The following PAM variants were observed in gnomAD, a reference collection of about 807,000 sequenced individuals.
The protein encoded by PAM is peptidylglycine alpha-amidating monooxygenase.
In PAM, 72 loss-of-function variants were observed where a neutral mutation model predicts 122.1. The observed-to-expected ratio is 0.59, with a 90% CI of 0.49 to 0.72. The LOEUF (loss-of-function observed/expected upper bound fraction) is 0.72. PAM is among the 30% of genes least tolerant of loss of function. The probability of loss-of-function intolerance (pLI) is 0.00; values close to 1 mark genes in which losing one functional copy is unlikely to be tolerated. For synonymous variants in PAM, 389 were observed against 404.4 expected, an observed-to-expected ratio of 0.96 and a Z score of 0.46; for missense variants, 1,106 against 1,183.7, an observed-to-expected ratio of 0.93 and a Z score of 0.96.
At chr5:103,025,061 G>A (rs1395787162) in intron 23 of PAM, 70 bp from the exon 24 acceptor site, 1 of 1,022,698 alleles carries the variant, frequency 9.8e-7, no homozygotes, top group Non-Finnish European at 1.5e-6. Flanking sequence ...ATTTGACTGG[G>A]TAGGGGTGGG....
intron 21 of PAM, among the ~76,000 whole-genome samples, chr5:103,014,980 C>T (rs1562251949): frequency 2.6e-5 from 4 of 152,078 alleles, no homozygotes. Context: ...GATCCCCATC[C>T]TTCCATACCA....
At chr5:102,970,310 G>A (rs1242053645) in intron 14 of PAM, among the ~76,000 whole-genome samples, 1 of 152,162 alleles carries the variant, frequency 6.6e-6, no homozygotes, top group Non-Finnish European at 1.5e-5. Context: ...AGGTGCACTA[G>A]CCATTTACAA....
chr5:102,864,313 T>C (rs1784956989), intron 1 of PAM, among the ~76,000 whole-genome samples: 1 of 152,034 alleles, frequency 6.6e-6, no homozygotes, highest in Non-Finnish European at 1.5e-5. Flanking sequence ...GAAGGAGTTC[T>C]TTCCTTTACC....
rs1000132033 is a variant in PAM at position 102,786,471 on chromosome 5, C to T, written c.-374+31123C>T. 3.3e-5 allele frequency among the ~76,000 whole-genome samples: 5 copies of T among 152,160 alleles called. No homozygotes were observed. In the East Asian group the frequency reaches 5.8e-4, roughly 18 times the overall value. On this transcript the variant is annotated intron_variant, in intron 1 of 25. Coordinates refer to ENST00000438793, the MANE Select transcript of PAM (RefSeq NM_001177306.2). ...CTCTACTTAGTCTTATTTTCTAAATCGTTGCTATTAACAGTTTCTGAGTTT... is the reference window on the plus strand; with the variant it reads ...CTCTACTTAGTCTTATTTTCTAAATTGTTGCTATTAACAGTTTCTGAGTTT...
chr5:102,959,870 T>A lies in PAM; in HGVS notation c.906-5T>A. On this transcript the variant is annotated splice_region_variant and splice_polypyrimidine_tract_variant and intron_variant, in intron 12 of 25. Transcript: ENST00000438793. ...TGATTTGTTATATCTTTTTTTTGCC[T>A]GCAGTGGCACGTCTAGTGATGAAAT... 1 of 1,601,124 alleles carries A rather than the reference T, an allele frequency of 6.2e-7. No individual in the cohort carries two copies. The highest frequency in any genetic ancestry group is 8.5e-7 in the Non-Finnish European group (1 of 1,169,814).
chr5:102,763,514 C>T (rs1266534499), intron 1 of PAM, among the ~76,000 whole-genome samples: 1 of 152,072 alleles, frequency 6.6e-6, no homozygotes, highest in Non-Finnish European at 1.5e-5. Flanking sequence ...ACAACAACAA[C>T]AAATAATTAT....
In PAM at chr5:102,974,357, G is replaced by C; in HGVS notation, c.1404G>C (p.Leu468Phe). Residue 468 changes from leucine to phenylalanine, a missense_variant, in exon 15 of 26, where the codon TTG becomes TTC. Leu to Phe is a conservative substitution (Grantham distance 22). Around this residue, in one of 3 missense-constraint regions of PAM, gnomAD observed 670 missense variants for 690.3 expected, o/e 0.97. Transcript: ENST00000438793. ...IHKFHRLVST[L>F]RPPESRVFSL... ...AATTCCACAGACTAGTATCTACCTT[G>C]AGGCCACCAGAGAGCAGAGTTTTCT... is the stretch of plus-strand genomic sequence containing the variant. 1 of 1,614,040 alleles carries C rather than the reference G, an allele frequency of 6.2e-7. No homozygotes were observed. The highest frequency in any genetic ancestry group is 8.5e-7 in the Non-Finnish European group (1 of 1,179,922).
intron 1 of PAM, among the ~76,000 whole-genome samples, chr5:102,827,681 T>TAA (rs1384420016): frequency 0.074 from 1,193 of 16,210 alleles, 4 homozygotes; most frequent in South Asian, 0.11. Context: ...TTTTTTTTTT[T>TAA]TTTTTTTTTT....
At chr5:102,784,486 C>T (rs1369185559) in intron 1 of PAM, among the ~76,000 whole-genome samples, 1 of 152,174 alleles carries the variant, frequency 6.6e-6, no homozygotes, top group East Asian at 1.9e-4. Context: ...GTACTTATTA[C>T]AAAAGTCACT....
chr5:102,808,416 G>A (rs1219115991), intron 1 of PAM, among the ~76,000 whole-genome samples: 1 of 152,128 alleles, frequency 6.6e-6, no homozygotes, highest in Non-Finnish European at 1.5e-5. Context: ...AGGTGTGTGT[G>A]GGCAGGCACA....
At chr5:102,905,534 G>T (rs537914285) in intron 4 of PAM, among the ~76,000 whole-genome samples, 1 of 151,774 alleles carries the variant, frequency 6.6e-6, no homozygotes, top group South Asian at 2.1e-4. Context: ...ATGATCAAGT[G>T]ATGTCCAGAT....
chr5:103,007,806 T>A, intron 20 of PAM, 149 bp downstream of exon 20: 1 of 605,714 alleles, frequency 1.7e-6, no homozygotes, highest in South Asian at 2.0e-5. Flanking sequence ...GTGTTCTAAC[T>A]CAGTTTTGAT....
At chr5:102,926,830 G>T (rs1749745567) in intron 7 of PAM, among the ~76,000 whole-genome samples, 162 bp downstream of exon 7, 1 of 152,164 alleles carries the variant, frequency 6.6e-6, no homozygotes, top group Non-Finnish European at 1.5e-5. Flanking sequence ...TTGAAGGAAT[G>T]ACTTTTATTT....
intron 9 of PAM, 67 bp downstream of exon 9, chr5:102,948,512 G>GTATTTTT (rs2151958159): frequency 2.7e-6 from 2 of 746,116 alleles, no homozygotes; most frequent in Non-Finnish European, 4.6e-6. Context: ...GATTTATACT[G>GTATTTTT]TATTTTTTAT....
At chr5:102,929,098 T>C (rs1241290206) in intron 7 of PAM, among the ~76,000 whole-genome samples, 1 of 152,162 alleles carries the variant, frequency 6.6e-6, no homozygotes, top group Non-Finnish European at 1.5e-5. Context: ...TTTTTTTTCC[T>C]TTAAAATGTT....
In PAM at chr5:102,832,195, G is replaced by A. The variant is rs576836459; in HGVS notation, c.-373-33628G>A. On this transcript the variant is annotated intron_variant, in intron 1 of 25. Coordinates refer to ENST00000438793, the MANE Select transcript of PAM (RefSeq NM_001177306.2). ...AGTGTCAATTATTTGGGGACGCACA[G>A]TGATTCCTGTTTTAACAAAAATAAA... Among the ~76,000 whole-genome samples, 9 of 152,306 alleles carry A rather than the reference G, an allele frequency of 5.9e-5. No homozygotes were observed. The South Asian group carries it at 1.9e-3, about 32-fold the overall frequency.
At chr5:102,768,388 A>G (rs975664768) in intron 1 of PAM, among the ~76,000 whole-genome samples, 3 of 152,076 alleles carry the variant, frequency 2.0e-5, no homozygotes, top group Non-Finnish European at 4.4e-5. Flanking sequence ...ATGTATAATT[A>G]TATTCTCATT....
intron 4 of PAM, among the ~76,000 whole-genome samples, chr5:102,911,842 T>C (rs1801499062): frequency 6.6e-6 from 1 of 152,020 alleles, no homozygotes; most frequent in Admixed American, 6.6e-5. Flanking sequence ...AAAGATACTG[T>C]TGGTGTCTCC....
chr5:102,904,899 C>T (rs1207967220), intron 4 of PAM, among the ~76,000 whole-genome samples: 1 of 151,540 alleles, frequency 6.6e-6, no homozygotes, highest in Non-Finnish European at 1.5e-5. Flanking sequence ...CAAATACCAT[C>T]ACAGTCATTA....
Sources: gnomAD v4.1 joint callset for allele counts (sites outside exome capture counted in the v4.1 genomes callset) on GRCh38, gnomAD v4.1.1 for gene constraint, gnomAD v4.1.1 regional missense constraint, MANE v1.5 for transcripts, NCBI Gene and HGNC (gene_info 2026-07-23, HGNC 2026-07-21) for gene names.